Variants in ATXN8OS observed in about 807,000 individuals in gnomAD.
ATXN8OS encodes ATXN8 opposite strand lncRNA.
intron 4 of ATXN8OS, among the ~76,000 whole-genome samples, chr13:70,151,113 C>G (rs1001389917): frequency 3.3e-5 from 5 of 152,026 alleles, no homozygotes; most frequent in Admixed American, 1.3e-4. Flanking sequence ...CAAACACTTG[C>G]TTGGGCTTGT....
At position 70,115,413 on chromosome 13, in the gene ATXN8OS, A is replaced by G. The variant is rs547126850; in HGVS notation, n.398+115A>G. 52 of 395,740 alleles carry G rather than the reference A, an allele frequency of 1.3e-4. No homozygotes were observed. The South Asian group carries it at 6.9e-3, about 53-fold the overall frequency. The allele number at this position is 395,740 out of a possible 1,614,324, so 24.5% of individuals were successfully genotyped here. A position where few individuals can be genotyped will look rare whatever the true frequency, so the allele number is the denominator to read the frequency against. On this transcript the variant is annotated intron_variant and non_coding_transcript_variant, in intron 2 of 4. Transcript: ENST00000678624. ...TGTGGCATTAGGGATTAAGTTTCCA[A>G]CAGAAGAATGTGAAGAAATAAGTTC... is the stretch of plus-strand genomic sequence containing the variant.
At chr13:70,145,811 A>G (rs1251319679) in intron 3 of ATXN8OS, among the ~76,000 whole-genome samples, 1 of 152,006 alleles carries the variant, frequency 6.6e-6, no homozygotes, top group African/African-American at 2.4e-5. Context: ...TAAAAACCCT[A>G]GAAGAAAACG....
At chr13:70,131,283 T>G in intron 3 of ATXN8OS, 2 of 398,506 alleles carry the variant, frequency 5.0e-6, no homozygotes, top group Non-Finnish European at 8.8e-6. Flanking sequence ...GTCTATGCTA[T>G]GAACATCTCT....
At chr13:70,158,885 T>C (rs373170917) in intron 4 of ATXN8OS, among the ~76,000 whole-genome samples, 1 of 152,206 alleles carries the variant, frequency 6.6e-6, no homozygotes, top group African/African-American at 2.4e-5. Context: ...GGGCCATAGT[T>C]TGTCAACCTC....
chr13:70,115,179 T>G (rs2137470614), exon 2 of ATXN8OS: 1 of 398,440 alleles, frequency 2.5e-6, no homozygotes, highest in East Asian at 3.6e-5. Context: ...TGCACGAGAA[T>G]TTGGTCTAAA....
chr13:70,120,092 C>G (rs536589059), intron 2 of ATXN8OS, among the ~76,000 whole-genome samples: 1 of 152,206 alleles, frequency 6.6e-6, no homozygotes, highest in East Asian at 1.9e-4. Context: ...CAACTTATAG[C>G]AGACATTGAA....
At chr13:70,120,427 TTAA>T (rs1292370860) in intron 2 of ATXN8OS, among the ~76,000 whole-genome samples, 3 of 152,154 alleles carry the variant, frequency 2.0e-5, no homozygotes, top group African/African-American at 4.8e-5. Context: ...AGTTAAATTT[TTAA>T]TAATAATTTA....
At chr13:70,134,678 A>C (rs169979) in intron 3 of ATXN8OS, among the ~76,000 whole-genome samples, 150,773 of 152,318 alleles carry the variant, frequency 0.99, 74,647 homozygotes, top group East Asian at 1. Context: ...GTGTTTCCTG[A>C]ATAGAAAAGA....
At chr13:70,109,351 G>T (rs1888159706) in intron 1 of ATXN8OS, among the ~76,000 whole-genome samples, 1 of 152,166 alleles carries the variant, frequency 6.6e-6, no homozygotes, top group African/African-American at 2.4e-5. Flanking sequence ...GAAATGCAAT[G>T]TGTTCCCTAA....
chr13:70,164,061 A>C (rs767024047), intron 4 of ATXN8OS, among the ~76,000 whole-genome samples: 603 of 41,550 alleles, frequency 0.015, 7 homozygotes, highest in African/African-American at 0.027. Flanking sequence ...TATTCTTATT[A>C]TTATTATTAT....
intron 4 of ATXN8OS, among the ~76,000 whole-genome samples, chr13:70,155,316 A>T (rs762618491): frequency 1.3e-4 from 20 of 152,152 alleles, no homozygotes; most frequent in Non-Finnish European, 2.8e-4. Context: ...TTAAACCTGT[A>T]GCCATTTTTT....
chr13:70,152,921 A>G (rs937979423), intron 4 of ATXN8OS, among the ~76,000 whole-genome samples: 1 of 152,226 alleles, frequency 6.6e-6, no homozygotes, highest in East Asian at 1.9e-4. Context: ...AGGGAAAACC[A>G]ACCAATAACC....
chr13:70,167,822 G>A (rs912467438), intron 4 of ATXN8OS, among the ~76,000 whole-genome samples: 24 of 132,030 alleles, frequency 1.8e-4, no homozygotes, highest in Non-Finnish European at 2.5e-4. Context: ...TGCAAGCTCC[G>A]CCTCCTGGGT....
At chr13:70,156,532 A>G (rs1888938344) in intron 4 of ATXN8OS, among the ~76,000 whole-genome samples, 1 of 152,154 alleles carries the variant, frequency 6.6e-6, no homozygotes, top group Non-Finnish European at 1.5e-5. Context: ...ATGTATTTAT[A>G]TATTTTCTGA....
intron 4 of ATXN8OS, among the ~76,000 whole-genome samples, chr13:70,149,422 G>A (rs776365481): frequency 2.6e-5 from 4 of 151,956 alleles, no homozygotes; most frequent in African/African-American, 7.2e-5. Flanking sequence ...TAGAGACATC[G>A]TCAATCATTA....
intron 4 of ATXN8OS, among the ~76,000 whole-genome samples, chr13:70,165,593 T>C (rs1434011428): frequency 6.6e-6 from 1 of 151,996 alleles, no homozygotes; most frequent in Admixed American, 6.6e-5. Flanking sequence ...CAGTGAATAA[T>C]TATCTGCGTA....
chr13:70,171,422 C>G (rs1262594281), exon 5 of ATXN8OS, among the ~76,000 whole-genome samples: 1 of 152,114 alleles, frequency 6.6e-6, no homozygotes, highest in Non-Finnish European at 1.5e-5. Flanking sequence ...GGGTGAGTCA[C>G]TGAGTGAATG....
At chr13:70,162,333 C>T (rs1889018967) in intron 4 of ATXN8OS, among the ~76,000 whole-genome samples, 1 of 152,108 alleles carries the variant, frequency 6.6e-6, no homozygotes, top group African/African-American at 2.4e-5. Context: ...TGTCATCACT[C>T]CTAGGACTGA....
At chr13:70,161,913 C>G (rs1308048568) in intron 4 of ATXN8OS, among the ~76,000 whole-genome samples, 1 of 151,878 alleles carries the variant, frequency 6.6e-6, no homozygotes, top group Non-Finnish European at 1.5e-5. Context: ...ATAAGGAGAA[C>G]TAGGGGGATG....
Sources: allele counts gnomAD v4.1 joint callset (sites outside exome capture counted in the v4.1 genomes callset), GRCh38; gene constraint gnomAD v4.1.1; transcripts MANE v1.5; gene names NCBI Gene and HGNC (gene_info 2026-07-23, HGNC 2026-07-21).